Variants in P2RY14 observed in about 807,000 individuals in gnomAD.
P2RY14 encodes P2Y purinoceptor 14.
P2RY14 carries 2 observed loss-of-function variants against 0.9 expected under a neutral mutation model. That is an observed-to-expected ratio of 2.16 (90% CI 0.88 to 6.79). The LOEUF (loss-of-function observed/expected upper bound fraction) is 6.79. Ranked by LOEUF, P2RY14 falls within the 30% of genes most tolerant of loss-of-function variation. The probability of loss-of-function intolerance (pLI) is 0.05; values close to 1 mark genes in which losing one functional copy is unlikely to be tolerated. For missense variants in P2RY14, 378 were observed against 400.1 expected, an observed-to-expected ratio of 0.94 and a Z score of 0.47; for synonymous variants, 158 against 147.2, an observed-to-expected ratio of 1.07 and a Z score of -0.53.
chr3:151,231,935 A>G (rs1731753862), intron 1 of P2RY14, among the ~76,000 whole-genome samples: 1 of 152,230 alleles, frequency 6.6e-6, no homozygotes, highest in Non-Finnish European at 1.5e-5. Context: ...ATGTTTGTAT[A>G]AACTTGTGTA....
At chr3:151,235,385 G>T (rs1732527257) in intron 1 of P2RY14, among the ~76,000 whole-genome samples, 1 of 152,112 alleles carries the variant, frequency 6.6e-6, no homozygotes, top group African/African-American at 2.4e-5. Context: ...CTATAGTGGG[G>T]TTGAAGTTTG....
chr3:151,230,853 T>C (rs962752218), intron 1 of P2RY14, among the ~76,000 whole-genome samples: 2 of 152,146 alleles, frequency 1.3e-5, no homozygotes, highest in African/African-American at 2.4e-5. Context: ...GTCAGTGAGC[T>C]CATCTTGTTT....
At chr3:151,271,932 A>G (rs1577196606) in intron 1 of P2RY14, among the ~76,000 whole-genome samples, 1 of 152,202 alleles carries the variant, frequency 6.6e-6, no homozygotes, top group South Asian at 2.1e-4. Flanking sequence ...TGGTGATTAT[A>G]TGGTGTCAAA....
At chr3:151,255,698 T>TA (rs1350246483) in intron 1 of P2RY14, among the ~76,000 whole-genome samples, 9 of 152,218 alleles carry the variant, frequency 5.9e-5, no homozygotes, top group African/African-American at 1.9e-4. Flanking sequence ...GAAGAAAAAA[T>TA]ACAGCGAACT....
intron 1 of P2RY14, among the ~76,000 whole-genome samples, chr3:151,246,575 A>T (rs1213864366): frequency 6.6e-6 from 1 of 152,208 alleles, no homozygotes; most frequent in African/African-American, 2.4e-5. Flanking sequence ...CATATGTAGA[A>T]AGCTGAAACT....
intron 1 of P2RY14, among the ~76,000 whole-genome samples, chr3:151,238,807 T>C (rs953782295): frequency 6.6e-6 from 1 of 152,258 alleles, no homozygotes; most frequent in Non-Finnish European, 1.5e-5. Context: ...ATTAATTATG[T>C]ATAAAGTACA....
chr3:151,233,788 ATTCTTG>A (rs1305934750), intron 1 of P2RY14, among the ~76,000 whole-genome samples: 1 of 152,200 alleles, frequency 6.6e-6, no homozygotes, highest in Non-Finnish European at 1.5e-5. Context: ...TCCCACAGGC[ATTCTTG>A]GATCGTTCCT....
intron 1 of P2RY14, among the ~76,000 whole-genome samples, chr3:151,245,705 G>A (rs1735284328): frequency 9.2e-6 from 1 of 108,880 alleles, no homozygotes; most frequent in East Asian, 2.6e-4. Flanking sequence ...TTTGAAAACT[G>A]GCACAAGACA....
At position 151,213,214 on chromosome 3, in the gene P2RY14, T is replaced by G. The variant is rs1727470653; in HGVS notation, c.*86A>C. The G allele has an allele frequency of 1.0e-6, 1 of 1,001,800 alleles. No individual in the cohort carries two copies. 62.1% of individuals were successfully genotyped at this position (1,001,800 alleles called of 1,614,324 possible). On this transcript the variant is annotated 3_prime_UTR_variant, in exon 3 of 3. Transcript: ENST00000309170. ...GCAGTGCTAGAGATGATATTTATGA[T>G]GAGGGCACATATCTTATTGATTTCT...
chr3:151,226,233 T>G (rs1730465914), intron 1 of P2RY14, among the ~76,000 whole-genome samples: 1 of 152,088 alleles, frequency 6.6e-6, no homozygotes, highest in Non-Finnish European at 1.5e-5. Flanking sequence ...GACAAATGAG[T>G]TGGCTTTAGC....
intron 1 of P2RY14, among the ~76,000 whole-genome samples, chr3:151,245,247 G>T (rs1199597602): frequency 6.6e-6 from 1 of 152,090 alleles, no homozygotes; most frequent in African/African-American, 2.4e-5. Flanking sequence ...GAAAAAGAGG[G>T]AATCCTCCCT....
At chr3:151,253,534 G>T (rs181835049) in intron 1 of P2RY14, among the ~76,000 whole-genome samples, 101 of 152,238 alleles carry the variant, frequency 6.6e-4, no homozygotes, top group African/African-American at 2.4e-3. Flanking sequence ...TACTGAGAAT[G>T]AATGGTTTTC....
chr3:151,214,112 C>A lies in P2RY14; in HGVS notation c.205G>T (p.Val69Leu), dbSNP rs373688411. Reference sequence around the variant, plus strand: ...TTGAAAGGAAAAGTCAGGCTCATCACAAAGTCAGCAATAACAATGTTCTTG... The same window carrying A: ...TTGAAAGGAAAAGTCAGGCTCATCAAAAAGTCAGCAATAACAATGTTCTTG... ...YLKNIVIADFVMSLTFPFKIL... is the reference protein window; with the variant it reads ...YLKNIVIADFLMSLTFPFKIL... The change falls in exon 3 of 3, where the codon GTG (valine) becomes TTG (leucine). Residue 69 changes from valine (V) to leucine (L), a missense_variant. By Grantham distance (32) the Val-to-Leu change is conservative (BLOSUM62 1). Coordinates refer to ENST00000309170, the MANE Select transcript of P2RY14 (RefSeq NM_014879.4). 1 of 1,613,966 alleles carries A rather than the reference C, an allele frequency of 6.2e-7. No individual in the cohort carries two copies. Among genetic ancestry groups the A allele is most frequent in the Non-Finnish European group, 8.5e-7 (1 of 1,179,994 alleles).
chr3:151,236,660 A>G (rs1732883232), intron 1 of P2RY14, among the ~76,000 whole-genome samples: 1 of 152,142 alleles, frequency 6.6e-6, no homozygotes. Context: ...TGTAACATCT[A>G]TATGTATTCC....
chr3:151,271,264 G>C (rs1288907814), intron 1 of P2RY14, among the ~76,000 whole-genome samples: 1 of 152,136 alleles, frequency 6.6e-6, no homozygotes, highest in Non-Finnish European at 1.5e-5. Flanking sequence ...CACATGAAAA[G>C]ATTCTCAGCC....
At position 151,214,010 on chromosome 3, in the gene P2RY14, C is replaced by T. The variant is rs200825542; in HGVS notation, c.307G>A (p.Val103Ile). The change falls in exon 3 of 3, where the codon GTC becomes ATC. Residue 103 changes from valine (V) to isoleucine (I), a missense_variant. Transcript: ENST00000309170. ...AACACAATGCTGACGTACATGTTGA[C>T]GTAGAAGAGCACGGCAGAGACCCTG... ...VCRVSAVLFY[V>I]NMYVSIVFFG... 136 of 1,613,940 alleles carry T rather than the reference C, an allele frequency of 8.4e-5. No individual in the cohort carries two copies. The highest frequency in any genetic ancestry group is 1.0e-4 in the Non-Finnish European group (121 of 1,179,974).
At chr3:151,218,696 G>C (rs1245870352) in intron 2 of P2RY14, among the ~76,000 whole-genome samples, 2 of 151,452 alleles carry the variant, frequency 1.3e-5, no homozygotes, top group Non-Finnish European at 2.9e-5. Flanking sequence ...ATGAAACCCT[G>C]CCTCTACTAA....
At chr3:151,258,666 A>G (rs775289345) in intron 1 of P2RY14, among the ~76,000 whole-genome samples, 1 of 152,094 alleles carries the variant, frequency 6.6e-6, no homozygotes, top group Admixed American at 6.6e-5. Context: ...CCTGATCAAC[A>G]TGGTGAAACC....
intron 1 of P2RY14, among the ~76,000 whole-genome samples, chr3:151,255,357 A>G (rs550032893): frequency 1.5e-4 from 23 of 152,150 alleles, no homozygotes; most frequent in African/African-American, 4.8e-4. Context: ...CCATAGTTCA[A>G]AAGTTGGGGG....
Sources: gnomAD v4.1 joint callset for allele counts (sites outside exome capture counted in the v4.1 genomes callset) on GRCh38, gnomAD v4.1.1 for gene constraint, MANE v1.5 for transcripts, NCBI Gene and HGNC (gene_info 2026-07-23, HGNC 2026-07-21) for gene names.